Variants in TDG observed in about 807,000 individuals in gnomAD.
The protein encoded by TDG is G/T mismatch-specific thymine DNA glycosylase.
A neutral mutation model predicts 46.1 loss-of-function variants in TDG; 23 were observed. The observed-to-expected ratio is 0.50, with a 90% CI of 0.36 to 0.71. The LOEUF (loss-of-function observed/expected upper bound fraction) is 0.71, where lower values mean the gene tolerates loss of function less well. TDG is among the 30% of genes least tolerant of loss of function. The pLI is 0.00. For missense variants in TDG, 304 were observed against 486.7 expected (o/e 0.62, Z 3.53); for synonymous variants, 115 against 161.3 (o/e 0.71, Z 2.18).
chr12:103,977,980 G>C (rs575320068), intron 2 of TDG, among the ~76,000 whole-genome samples: 61 of 152,202 alleles, frequency 4.0e-4, no homozygotes, highest in Non-Finnish European at 7.6e-4. Flanking sequence ...CTTGAATCCT[G>C]GAGGCGGAGG....
chr12:103,972,620 A>G (rs988698541), intron 1 of TDG, among the ~76,000 whole-genome samples: 10 of 152,226 alleles, frequency 6.6e-5, no homozygotes, highest in African/African-American at 2.4e-4. Flanking sequence ...GATTTTCCAT[A>G]GGTTTATTTT....
At chr12:103,981,107 G>A (rs923313807) in intron 4 of TDG, 145 bp downstream of exon 4, 17 of 672,770 alleles carry the variant, frequency 2.5e-5, no homozygotes, top group South Asian at 1.2e-4. Context: ...GTGTCTGTAC[G>A]TGAAAATAAG....
intron 1 of TDG, among the ~76,000 whole-genome samples, chr12:103,967,568 C>T (rs576969542): frequency 2.0e-5 from 3 of 151,538 alleles, no homozygotes; most frequent in East Asian, 1.9e-4. Flanking sequence ...GCGATTCTCC[C>T]GCTGCAGCCT....
At chr12:103,984,256 A>G (rs771714817) in intron 7 of TDG, among the ~76,000 whole-genome samples, 1 of 152,198 alleles carries the variant, frequency 6.6e-6, no homozygotes, top group Non-Finnish European at 1.5e-5. Context: ...CCTGTAGTGA[A>G]TTGTAGAGAA....
intron 1 of TDG, among the ~76,000 whole-genome samples, chr12:103,969,655 C>CA (rs1297936711): frequency 2.0e-5 from 3 of 152,184 alleles, no homozygotes; most frequent in Admixed American, 1.3e-4. Flanking sequence ...ATCCTATACT[C>CA]AGCTGCAGAA....
At chr12:103,970,055 C>T (rs1215111678) in intron 1 of TDG, among the ~76,000 whole-genome samples, 2 of 152,110 alleles carry the variant, frequency 1.3e-5, no homozygotes, top group African/African-American at 4.8e-5. Context: ...ATGGTGCTAT[C>T]GCATCATAAT....
rs549925945 is a variant in TDG, at chr12:103,987,785, C to T, written c.*695C>T. ...AGAATGCAGTAGACCTTTTGCCACT[C>T]ATCTGTGTTTTACTTGAGACATGTA... is the stretch of plus-strand genomic sequence containing the variant. On this transcript the variant is annotated 3_prime_UTR_variant, in exon 10 of 10. Transcript: ENST00000392872. The T allele has an allele frequency of 1.3e-5, 2 of 152,660 alleles. No individual in the cohort carries two copies. Among genetic ancestry groups the T allele is most frequent in the South Asian group, 4.1e-4 (2 of 4,830 alleles). 9.5% of individuals were successfully genotyped at this position (152,660 alleles called of 1,614,324 possible). A position where few individuals can be genotyped will look rare whatever the true frequency, so the allele number is the denominator to read the frequency against.
intron 3 of TDG, chr12:103,980,495 A>G: frequency 4.5e-6 from 1 of 224,270 alleles, no homozygotes; most frequent in South Asian, 8.3e-5. Flanking sequence ...AAGAAACATC[A>G]GCATGTGAAC....
intron 1 of TDG, among the ~76,000 whole-genome samples, chr12:103,967,403 T>G (rs1300555180): frequency 6.6e-6 from 1 of 152,074 alleles, no homozygotes; most frequent in Non-Finnish European, 1.5e-5. Flanking sequence ...TCTGTCACCC[T>G]TGACTGTGCT....
At chr12:103,967,885 G>A (rs1277910540) in intron 1 of TDG, 1 of 113,418 alleles carries the variant, frequency 8.8e-6, no homozygotes, top group Non-Finnish European at 2.0e-5. Context: ...ATGGAGTACA[G>A]TGGTGCGATC....
intron 8 of TDG, 64 bp downstream of exon 8, chr12:103,984,984 CAT>C: frequency 3.2e-6 from 4 of 1,259,486 alleles, no homozygotes; most frequent in Non-Finnish European, 4.2e-6. Flanking sequence ...TATATACTTA[CAT>C]ATATATACAC....
At chr12:103,973,076 C>A (rs1566178549) in intron 1 of TDG, 1 of 612,938 alleles carries the variant, frequency 1.6e-6, no homozygotes, top group Non-Finnish European at 2.9e-6. Context: ...AGTAAAAACA[C>A]GTTTCATACA....
In TDG at chr12:103,974,899, C is replaced by T. The variant is rs571028304; in HGVS notation, c.24-2019C>T. ...CTGAGGCAGGAGAATGGCGTGAACC[C>T]GGGAGGCGGAGCTTGCAGTGAGCCA... On this transcript the variant is annotated intron_variant, in intron 1 of 9. Coordinates refer to ENST00000392872, the MANE Select transcript of TDG (RefSeq NM_003211.6). 2.7e-5 allele frequency among the ~76,000 whole-genome samples: 4 copies of T among 147,564 alleles called. 1 individual carries two copies. The East Asian group carries it at 6.1e-4, about 23-fold the overall frequency.
chr12:103,979,109 C>CTTTTATT (rs1555274553), intron 2 of TDG, among the ~76,000 whole-genome samples: 1 of 123,604 alleles, frequency 8.1e-6, no homozygotes, highest in Non-Finnish European at 1.6e-5. Context: ...TTTTTTCTTT[C>CTTTTATT]TTTTTTTTTT....
chr12:103,987,372 A>G lies in TDG; in HGVS notation c.*282A>G, dbSNP rs1307684361. On this transcript the variant is annotated 3_prime_UTR_variant, in exon 10 of 10. Transcript: ENST00000392872. The stretch of plus-strand genomic sequence containing the variant: ...AGAAATTGATTTTCTTTTGGGAGTC[A>G]CTTTTAATCTGTAATTTTAAAATAC... The G allele has an allele frequency of 1.3e-5, 5 of 379,070 alleles. No homozygotes were observed. The highest frequency in any genetic ancestry group is 2.4e-5 in the Non-Finnish European group (5 of 204,836). 23.5% of individuals were successfully genotyped at this position (379,070 alleles called of 1,614,324 possible). A position where few individuals can be genotyped will look rare whatever the true frequency, so the allele number is the denominator to read the frequency against.
intron 3 of TDG, 178 bp downstream of exon 3, chr12:103,980,250 C>A: frequency 1.3e-6 from 1 of 771,440 alleles, no homozygotes; most frequent in Non-Finnish European, 2.0e-6. Flanking sequence ...AGGGTGGGCT[C>A]CAAATTTAGA....
intron 1 of TDG, among the ~76,000 whole-genome samples, chr12:103,972,413 G>A (rs1167377961): frequency 6.6e-6 from 1 of 152,094 alleles, no homozygotes; most frequent in South Asian, 2.1e-4. Flanking sequence ...CACTGTTTCC[G>A]GCCAGTTATC....
chr12:103,985,160 G>GAC (rs1333247597), intron 8 of TDG, among the ~76,000 whole-genome samples: 2 of 51,632 alleles, frequency 3.9e-5, no homozygotes, highest in African/African-American at 1.2e-4. Flanking sequence ...TCTATATATA[G>GAC]ACACATACAC....
chr12:103,981,053 G>GA (rs4135098), intron 4 of TDG, 91 bp downstream of exon 4: 1 of 1,112,724 alleles, frequency 9.0e-7, no homozygotes, highest in South Asian at 1.4e-5. Context: ...TTTTTAAAAA[G>GA]AAAGAGACTG....
Sources: gnomAD v4.1 joint callset for allele counts (sites outside exome capture counted in the v4.1 genomes callset) on GRCh38, gnomAD v4.1.1 for gene constraint, MANE v1.5 for transcripts, NCBI Gene and HGNC (gene_info 2026-07-23, HGNC 2026-07-21) for gene names.